The following STMP1 variants were observed in gnomAD, a reference collection of about 807,000 sequenced individuals.
STMP1 encodes short transmembrane mitochondrial protein 1.
Under a neutral mutation model 7.0 loss-of-function variants are expected in STMP1, and 7 were observed. That is an observed-to-expected ratio of 1.01 (90% CI 0.57 to 1.89). The LOEUF is 1.89. STMP1 is among the 40% of genes most tolerant of loss of function. The pLI, the probability that STMP1 is intolerant of heterozygous loss-of-function variation, is 0.00. For missense variants in STMP1, 45 were observed against 53.0 expected, an observed-to-expected ratio of 0.85 and a Z score of 0.47; for synonymous variants, 19 against 18.4, an observed-to-expected ratio of 1.03 and a Z score of -0.08.
chr7:135,672,632 C>T, intron 1 of STMP1, 121 bp from the exon 2 acceptor site: 1 of 717,362 alleles, frequency 1.4e-6, no homozygotes, highest in Non-Finnish European at 2.4e-6. Flanking sequence ...CTAGACTGGA[C>T]ATCAAGGTCT....
chr7:135,670,633 G>A (rs536418411), intron 1 of STMP1, among the ~76,000 whole-genome samples: 7 of 152,068 alleles, frequency 4.6e-5, no homozygotes, highest in African/African-American at 1.7e-4. Context: ...TGGTAGATCC[G>A]GTAGTATTCT....
chr7:135,667,055 A>G (rs1337033250), intron 1 of STMP1, among the ~76,000 whole-genome samples: 1 of 152,152 alleles, frequency 6.6e-6, no homozygotes, highest in African/African-American at 2.4e-5. Context: ...TGTTTTTGTT[A>G]AAGTAATTCT....
intron 2 of STMP1, chr7:135,673,180 G>GACTT (rs1437330558): frequency 1.1e-4 from 24 of 219,788 alleles, no homozygotes; most frequent in African/African-American, 5.5e-4. Context: ...TAGTAGAGAT[G>GACTT]ACTTAGAATT....
Position 135,662,588 on chromosome 7 carries a change from G to C in STMP1, c.9G>C (p.Gln3His). 6.5e-7 allele frequency: 1 copy of C among 1,548,372 alleles called. No individual in the cohort carries two copies. The highest frequency in any genetic ancestry group is 8.7e-7 in the Non-Finnish European group (1 of 1,145,700). MLQFLLGFTLGNV... is the reference protein window; with the variant it reads MLHFLLGFTLGNV... ...CCCTCCCCACCGACATCATGCTCCA[G>C]TTCCTGGTGAGTGGAGCTGCCGAAG... Residue 3 changes from glutamine to histidine, a missense_variant, in exon 1 of 3, where the codon CAG becomes CAC. Transcript: ENST00000507606.
chr7:135,668,792 C>T (rs980296902), intron 1 of STMP1, among the ~76,000 whole-genome samples: 5 of 152,192 alleles, frequency 3.3e-5, no homozygotes, highest in African/African-American at 9.7e-5. Context: ...TTCTCTTTTC[C>T]AGTCAGGCCT....
chr7:135,672,681 G>A (rs1795369021), intron 1 of STMP1, 72 bp from the exon 2 acceptor site: 4 of 1,083,164 alleles, frequency 3.7e-6, no homozygotes, highest in Non-Finnish European at 5.5e-6. Flanking sequence ...TATTGTCTAT[G>A]TATTTTAGTT....
chr7:135,672,649 T>C, intron 1 of STMP1, 104 bp from the exon 2 acceptor site: 1 of 831,666 alleles, frequency 1.2e-6, no homozygotes, highest in Non-Finnish European at 2.0e-6. Flanking sequence ...GTCTTCTAAC[T>C]GTCCTAAGCT....
intron 1 of STMP1, 59 bp from the exon 2 acceptor site, chr7:135,672,694 G>A: frequency 1.6e-6 from 2 of 1,289,606 alleles, no homozygotes; most frequent in African/African-American, 3.0e-5. Flanking sequence ...TTTTAGTTTG[G>A]AATCAGACTG....
At chr7:135,670,386 A>G (rs116792676) in intron 1 of STMP1, among the ~76,000 whole-genome samples, 1,777 of 152,260 alleles carry the variant, frequency 0.012, 48 homozygotes, top group African/African-American at 0.04. Flanking sequence ...GAAGTTAGGC[A>G]TTCTTGGCCT....
At chr7:135,663,095 T>G (rs989788268) in intron 1 of STMP1, among the ~76,000 whole-genome samples, 1 of 152,206 alleles carries the variant, frequency 6.6e-6, no homozygotes, top group Non-Finnish European at 1.5e-5. Context: ...TCATCAGACC[T>G]TTCAGAGTTG....
In STMP1 at chr7:135,675,030, A is replaced by G. The variant is rs904921779; in HGVS notation, c.*865A>G. On this transcript the variant is annotated 3_prime_UTR_variant, in exon 3 of 3. Coordinates refer to ENST00000507606, the MANE Select transcript of STMP1 (RefSeq NM_001130929.2). ...AAAAATATAGCCCAAATGTATAGTAAAATCAGCAGCTCAAGAAGAATTTCT... is the reference window on the plus strand; with the variant it reads ...AAAAATATAGCCCAAATGTATAGTAGAATCAGCAGCTCAAGAAGAATTTCT... 1 of 152,190 alleles carries G rather than the reference A, an allele frequency of 6.6e-6. No individual in the cohort carries two copies. Among genetic ancestry groups the G allele is most frequent in the Middle Eastern group, 3.2e-3 (1 of 316 alleles). 9.4% of individuals were successfully genotyped at this position (152,190 alleles called of 1,614,324 possible).
At chr7:135,663,664 G>A (rs1311003678) in intron 1 of STMP1, among the ~76,000 whole-genome samples, 1 of 146,978 alleles carries the variant, frequency 6.8e-6, no homozygotes, top group East Asian at 2.1e-4. Flanking sequence ...ATCTTTTTTT[G>A]TTGTTTGTTT....
intron 2 of STMP1, 127 bp downstream of exon 2, chr7:135,672,933 T>C (rs1243670708): frequency 1.4e-6 from 1 of 725,840 alleles, no homozygotes; most frequent in African/African-American, 1.8e-5. Context: ...AACTCCTGAA[T>C]ATTGTAGAAT....
chr7:135,672,720 T>C (rs750217201), intron 1 of STMP1, 33 bp from the exon 2 acceptor site: 78 of 1,500,056 alleles, frequency 5.2e-5, no homozygotes, highest in Non-Finnish European at 7.0e-5. Flanking sequence ...GGACTCGGCA[T>C]GCACTATAAC....
rs1238139104 is a variant in STMP1 at position 135,675,073 on chromosome 7, A to T, written c.*908A>T. 6.6e-6 allele frequency: 1 copy of T among 152,192 alleles called. No homozygotes were observed. Among genetic ancestry groups the T allele is most frequent in the East Asian group, 1.9e-4 (1 of 5,204 alleles). The allele number at this position is 152,192 out of a possible 1,614,324, so 9.4% of individuals were successfully genotyped here. A position where few individuals can be genotyped will look rare whatever the true frequency, so the allele number is the denominator to read the frequency against. ...GAATTTCTGCTTCTCTTTGTAGTTG[A>T]TGCTTTGTTTTTTCCTGCAGTCAGA... On this transcript the variant is annotated 3_prime_UTR_variant, in exon 3 of 3. Transcript: ENST00000507606.
chr7:135,673,026 T>G (rs1031687016), intron 2 of STMP1: 19 of 550,438 alleles, frequency 3.5e-5, no homozygotes, highest in Non-Finnish European at 4.8e-5. Flanking sequence ...ATCCCTTCAG[T>G]TTAGCTGGGC....
rs142530696 is a variant in STMP1, at chr7:135,672,924, A to G, written c.69+118A>G. ...ATGTAGTCCATATGGCTGAGGCAAA[A>G]CTCCTGAATATTGTAGAATGGTTTG... On this transcript the variant is annotated intron_variant, in intron 2 of 2. Coordinates refer to ENST00000507606, the MANE Select transcript of STMP1 (RefSeq NM_001130929.2). The G allele has an allele frequency of 7.0e-4, 541 of 772,458 alleles. 3 individuals carry two copies. In the African/African-American group the frequency reaches 8.6e-3, roughly 12 times the overall value. The allele number at this position is 772,458 out of a possible 1,614,324, so 47.9% of individuals were successfully genotyped here.
At position 135,674,246 on chromosome 7, in the gene STMP1, T is replaced by C. The variant is rs571012720; in HGVS notation, c.*81T>C. 8.7e-4 allele frequency: 982 copies of C among 1,127,800 alleles called. 3 individuals are homozygous for C. Among genetic ancestry groups the C allele is most frequent in the Non-Finnish European group, 7.6e-4 (605 of 796,750 alleles). The allele number at this position is 1,127,800 out of a possible 1,614,324, so 69.9% of individuals were successfully genotyped here. ...CGTTTACTATCTGAACCAAAAGCTT[T>C]TGTTTTCGTCTCCAGCCTCAGCACT... On this transcript the variant is annotated 3_prime_UTR_variant, in exon 3 of 3. Transcript: ENST00000507606.
At chr7:135,664,835 G>C (rs1298462458) in intron 1 of STMP1, among the ~76,000 whole-genome samples, 1 of 151,874 alleles carries the variant, frequency 6.6e-6, no homozygotes, top group Non-Finnish European at 1.5e-5. Flanking sequence ...ATTTCTCTTT[G>C]TGTGCAGTCA....
Sources: gnomAD v4.1 joint callset for allele counts (sites outside exome capture counted in the v4.1 genomes callset) on GRCh38, gnomAD v4.1.1 for gene constraint, MANE v1.5 for transcripts, NCBI Gene and HGNC (gene_info 2026-07-23, HGNC 2026-07-21) for gene names.